The following RALYL variants were observed in gnomAD, a reference collection of about 807,000 sequenced individuals.
The protein encoded by RALYL is RNA-binding Raly-like protein.
In RALYL, 29 loss-of-function variants were observed where a neutral mutation model predicts 35.1. The observed-to-expected ratio is 0.83, with a 90% CI of 0.61 to 1.13. RALYL has a LOEUF of 1.13. Ranked by LOEUF, RALYL falls within the 50% of genes most tolerant of loss-of-function variation. The pLI is 0.00. For synonymous variants in RALYL, 120 were observed against 127.6 expected (o/e 0.94, Z 0.40); for missense variants, 359 against 360.4 (o/e 1.00, Z 0.03).
At chr8:84,798,801 A>G (rs1173378368) in intron 3 of RALYL, among the ~76,000 whole-genome samples, 1 of 152,342 alleles carries the variant, frequency 6.6e-6, no homozygotes, top group East Asian at 1.9e-4. Flanking sequence ...TTATTTCTGC[A>G]AAAACACACA....
chr8:84,614,961 G>T (rs985274718), intron 2 of RALYL, among the ~76,000 whole-genome samples: 1 of 151,506 alleles, frequency 6.6e-6, no homozygotes, highest in East Asian at 1.9e-4. Flanking sequence ...ACCTGCCCTT[G>T]AGGAATGATG....
intron 1 of RALYL, among the ~76,000 whole-genome samples, chr8:84,470,142 A>T (rs2052511551): frequency 6.6e-6 from 1 of 152,168 alleles, no homozygotes; most frequent in African/African-American, 2.4e-5. Flanking sequence ...AGCTGTTCCT[A>T]TTCGGCCATC....
At chr8:84,747,696 G>T (rs1808943396) in intron 2 of RALYL, among the ~76,000 whole-genome samples, 1 of 151,792 alleles carries the variant, frequency 6.6e-6, no homozygotes, top group South Asian at 2.1e-4. Flanking sequence ...AAGTTGAACA[G>T]AAAAATAATA....
chr8:84,726,954 T>C (rs1308505811), intron 2 of RALYL, among the ~76,000 whole-genome samples: 2 of 152,064 alleles, frequency 1.3e-5, no homozygotes, highest in Non-Finnish European at 2.9e-5. Context: ...TTAGTTCTGC[T>C]ACAGTGTTTA....
chr8:84,235,050 AC>A (rs1360604990), intron 1 of RALYL, among the ~76,000 whole-genome samples: 1 of 152,164 alleles, frequency 6.6e-6, no homozygotes, highest in East Asian at 1.9e-4. Flanking sequence ...GACGTGAGCC[AC>A]CGCGCCGGGC....
chr8:84,825,115 T>C (rs1484262479), intron 4 of RALYL, among the ~76,000 whole-genome samples: 3 of 152,044 alleles, frequency 2.0e-5, no homozygotes, highest in Non-Finnish European at 4.4e-5. Context: ...GACAAAATGC[T>C]AATATCCAGA....
intron 3 of RALYL, among the ~76,000 whole-genome samples, chr8:84,799,752 C>G (rs1015316238): frequency 6.6e-6 from 1 of 152,132 alleles, no homozygotes; most frequent in Non-Finnish European, 1.5e-5. Context: ...GTCAGGAGAT[C>G]GAGACCATCC....
At chr8:84,587,124 A>G (rs1047261821) in intron 2 of RALYL, among the ~76,000 whole-genome samples, 2 of 152,218 alleles carry the variant, frequency 1.3e-5, no homozygotes, top group African/African-American at 4.8e-5. Context: ...ACGAACCTAC[A>G]TTAAAAGTGG....
intron 2 of RALYL, among the ~76,000 whole-genome samples, chr8:84,723,522 A>G (rs1844384698): frequency 6.6e-6 from 1 of 152,006 alleles, no homozygotes; most frequent in African/African-American, 2.4e-5. Flanking sequence ...AAAGCAAAAA[A>G]GACTTCAGAG....
intron 1 of RALYL, among the ~76,000 whole-genome samples, chr8:84,250,179 C>A (rs1907548): frequency 0.68 from 103,197 of 151,716 alleles, 36,388 homozygotes; most frequent in African/African-American, 0.87. Flanking sequence ...TTATTATGGC[C>A]GTCAAACAGC....
At chr8:84,619,483 G>C (rs913111681) in intron 2 of RALYL, among the ~76,000 whole-genome samples, 1 of 147,272 alleles carries the variant, frequency 6.8e-6, no homozygotes, top group African/African-American at 2.6e-5. Flanking sequence ...GAGCCTATGT[G>C]TGTCTCTGCA....
chr8:84,856,934 A>G (rs965861402), intron 5 of RALYL, among the ~76,000 whole-genome samples: 1 of 147,066 alleles, frequency 6.8e-6, no homozygotes, highest in Admixed American at 6.9e-5. Context: ...AGGCTGAGGC[A>G]GGAGAATGGC....
chr8:84,817,188 T>C (rs1335057052), intron 4 of RALYL, among the ~76,000 whole-genome samples: 2 of 152,090 alleles, frequency 1.3e-5, no homozygotes, highest in Admixed American at 6.5e-5. Context: ...CACGAACCCA[T>C]TTTCCTTGAG....
chr8:84,750,027 A>G (rs1332065986), intron 2 of RALYL, among the ~76,000 whole-genome samples: 2 of 152,158 alleles, frequency 1.3e-5, no homozygotes, highest in African/African-American at 4.8e-5. Context: ...AACAGAACCT[A>G]GCTGCTCCAG....
chr8:84,548,435 T>TAAGGAA (rs2060503801), intron 2 of RALYL, among the ~76,000 whole-genome samples: 1 of 152,206 alleles, frequency 6.6e-6, no homozygotes, highest in East Asian at 1.9e-4. Flanking sequence ...TTAAAAGTTT[T>TAAGGAA]AGCACATGTT....
intron 1 of RALYL, among the ~76,000 whole-genome samples, chr8:84,390,017 C>G (rs916714197): frequency 6.6e-6 from 1 of 152,022 alleles, no homozygotes; most frequent in Non-Finnish European, 1.5e-5. Context: ...AGATACGTCC[C>G]ATCAATACCT....
chr8:84,400,319 G>A (rs1203633633), intron 1 of RALYL, among the ~76,000 whole-genome samples: 1 of 152,120 alleles, frequency 6.6e-6, no homozygotes, highest in Non-Finnish European at 1.5e-5. Flanking sequence ...TGTCACTTGA[G>A]GTCAGGTGTG....
At chr8:84,404,749 C>G (rs2043284774) in intron 1 of RALYL, among the ~76,000 whole-genome samples, 1 of 151,996 alleles carries the variant, frequency 6.6e-6, no homozygotes, top group African/African-American at 2.4e-5. Context: ...AGTAATGGTA[C>G]CAGCTCCTCT....
chr8:84,805,672 G>C (rs887133665), intron 4 of RALYL, among the ~76,000 whole-genome samples: 1 of 152,136 alleles, frequency 6.6e-6, no homozygotes, highest in East Asian at 1.9e-4. Flanking sequence ...CTGGGTGACA[G>C]AGCAAGACTC....
Sources: allele counts gnomAD v4.1 joint callset (sites outside exome capture counted in the v4.1 genomes callset), GRCh38; gene constraint gnomAD v4.1.1; transcripts MANE v1.5; gene names NCBI Gene and HGNC (gene_info 2026-07-23, HGNC 2026-07-21).